Variants in CHCHD6 observed in about 807,000 individuals in gnomAD.
CHCHD6 encodes the protein MICOS complex subunit MIC25.
Under a neutral mutation model 32.3 loss-of-function variants are expected in CHCHD6, and 28 were observed. The ratio of observed to expected loss-of-function variants is 0.87; its 90% CI spans 0.64 to 1.19. The LOEUF is 1.19. CHCHD6 is among the 50% of genes most tolerant of loss of function. CHCHD6 has a pLI of 0.00. For synonymous variants in CHCHD6, 122 were observed against 117.5 expected (o/e 1.04, Z -0.25); for missense variants, 333 against 307.0 (o/e 1.08, Z -0.63).
intron 1 of CHCHD6, among the ~76,000 whole-genome samples, chr3:126,722,917 A>T (rs1187122977): frequency 5.3e-5 from 8 of 152,162 alleles, no homozygotes; most frequent in Non-Finnish European, 1.2e-4. Context: ...GTTTTCTAAT[A>T]AGAGTTTTAT....
At chr3:126,843,507 G>A (rs1941182145) in intron 4 of CHCHD6, among the ~76,000 whole-genome samples, 1 of 152,026 alleles carries the variant, frequency 6.6e-6, no homozygotes, top group African/African-American at 2.4e-5. Flanking sequence ...TTGGGGTAAG[G>A]CTTATGTTTT....
At chr3:126,897,323 T>C (rs1024891806) in intron 5 of CHCHD6, among the ~76,000 whole-genome samples, 2 of 152,198 alleles carry the variant, frequency 1.3e-5, no homozygotes, top group Non-Finnish European at 2.9e-5. Context: ...ATGGTATCAA[T>C]AGATAACGAC....
intron 5 of CHCHD6, among the ~76,000 whole-genome samples, chr3:126,861,497 C>T (rs1315303101): frequency 6.6e-6 from 1 of 151,804 alleles, no homozygotes; most frequent in Non-Finnish European, 1.5e-5. Flanking sequence ...ATTCCCACCC[C>T]TGCCCCTGCC....
At chr3:126,820,493 T>A (rs914673997) in intron 4 of CHCHD6, among the ~76,000 whole-genome samples, 2 of 152,190 alleles carry the variant, frequency 1.3e-5, no homozygotes, top group Non-Finnish European at 2.9e-5. Context: ...TTCCTGGCTT[T>A]CTGGTTTTTC....
At chr3:126,821,761 A>C (rs138446808) in intron 4 of CHCHD6, among the ~76,000 whole-genome samples, 6 of 152,274 alleles carry the variant, frequency 3.9e-5, no homozygotes, top group African/African-American at 1.4e-4. Context: ...TTTGATTATA[A>C]CTATTGTAGT....
Position 126,768,269 on chromosome 3 carries a change from C to CCT in CHCHD6, c.411+35057_411+35058dup, listed in dbSNP as rs918949401. ...TAAAAGTGTGTAGCACCTCCCCTAA[C>CCT]CTCTCTCTCTCGCTCCTGCTTCTGC... On this transcript the variant is annotated intron_variant, in intron 4 of 7. Transcript: ENST00000290913. Among the ~76,000 whole-genome samples the CCT allele has an allele frequency of 1.6e-4, 24 of 152,122 alleles. No individual in the cohort carries two copies. In the East Asian group the frequency reaches 2.9e-3, roughly 18 times the overall value.
At chr3:126,770,751 C>T (rs1231684935) in intron 4 of CHCHD6, among the ~76,000 whole-genome samples, 1 of 152,164 alleles carries the variant, frequency 6.6e-6, no homozygotes, top group Non-Finnish European at 1.5e-5. Flanking sequence ...AGGATTCTTG[C>T]ATCTGTGTTT....
intron 6 of CHCHD6, among the ~76,000 whole-genome samples, chr3:126,920,007 T>C (rs961722795): frequency 1.3e-5 from 2 of 152,092 alleles, no homozygotes; most frequent in African/African-American, 4.8e-5. Flanking sequence ...TTTCTAAGGT[T>C]ATATGTATTA....
intron 5 of CHCHD6, among the ~76,000 whole-genome samples, chr3:126,899,207 A>G (rs2077885043): frequency 6.6e-6 from 1 of 152,224 alleles, no homozygotes; most frequent in Non-Finnish European, 1.5e-5. Flanking sequence ...GTTGTGTGAT[A>G]GGTTTAATTA....
intron 5 of CHCHD6, among the ~76,000 whole-genome samples, chr3:126,871,972 C>G (rs2077479019): frequency 1.3e-5 from 2 of 152,100 alleles, no homozygotes; most frequent in Non-Finnish European, 2.9e-5. Context: ...GACTCCTCTT[C>G]CCCTTTTAAA....
chr3:126,831,741 A>G (rs1282122118), intron 4 of CHCHD6, among the ~76,000 whole-genome samples: 1 of 152,200 alleles, frequency 6.6e-6, no homozygotes, highest in African/African-American at 2.4e-5. Context: ...GCGAAAGGGG[A>G]GACTCTGCCA....
intron 1 of CHCHD6, among the ~76,000 whole-genome samples, chr3:126,722,589 T>C (rs1935357890): frequency 6.6e-6 from 1 of 152,238 alleles, no homozygotes; most frequent in African/African-American, 2.4e-5. Context: ...TATTGACCAT[T>C]TGTATATCTT....
intron 4 of CHCHD6, among the ~76,000 whole-genome samples, chr3:126,788,149 C>A (rs778193557): frequency 6.6e-6 from 1 of 152,180 alleles, no homozygotes; most frequent in Non-Finnish European, 1.5e-5. Flanking sequence ...GTATGTTGAA[C>A]CAGCCTTGCA....
chr3:126,902,587 G>T (rs896619922), intron 5 of CHCHD6, among the ~76,000 whole-genome samples: 1 of 151,800 alleles, frequency 6.6e-6, no homozygotes, highest in African/African-American at 2.4e-5. Flanking sequence ...CATGGTGGCG[G>T]GCACCTGTAG....
intron 6 of CHCHD6, among the ~76,000 whole-genome samples, chr3:126,953,751 T>G (rs972864932): frequency 2.0e-5 from 3 of 152,224 alleles, no homozygotes; most frequent in Non-Finnish European, 4.4e-5. Flanking sequence ...CGAAGCCACA[T>G]GGACCATTAG....
intron 1 of CHCHD6, among the ~76,000 whole-genome samples, chr3:126,710,593 ATCTT>A (rs1412010655): frequency 1.3e-5 from 2 of 152,174 alleles, no homozygotes. Context: ...CATTCATTAG[ATCTT>A]TCTTAAGTTT....
At chr3:126,775,713 A>G (rs1341171833) in intron 4 of CHCHD6, among the ~76,000 whole-genome samples, 1 of 152,202 alleles carries the variant, frequency 6.6e-6, no homozygotes, top group Non-Finnish European at 1.5e-5. Flanking sequence ...AGCTTCATGG[A>G]GGGGCACCTC....
At chr3:126,891,632 A>G (rs911683278) in intron 5 of CHCHD6, among the ~76,000 whole-genome samples, 1 of 152,160 alleles carries the variant, frequency 6.6e-6, no homozygotes, top group African/African-American at 2.4e-5. Flanking sequence ...TGGAAGATCC[A>G]TTAGGAGGTG....
At chr3:126,795,736 A>G (rs1363022448) in intron 4 of CHCHD6, among the ~76,000 whole-genome samples, 1 of 152,184 alleles carries the variant, frequency 6.6e-6, no homozygotes, top group African/African-American at 2.4e-5. Context: ...CCTGGTGAGT[A>G]GAAAAACCAG....
Sources: allele counts gnomAD v4.1 joint callset (sites outside exome capture counted in the v4.1 genomes callset), GRCh38; gene constraint gnomAD v4.1.1; transcripts MANE v1.5; gene names NCBI Gene and HGNC (gene_info 2026-07-23, HGNC 2026-07-21).